MALRD1: variants seen among roughly 807,000 people sequenced by gnomAD.
The protein encoded by MALRD1 is MAM and LDL receptor class A domain containing 1, also known as MAM and LDL-receptor class A domain-containing protein 1.
A neutral mutation model predicts 242.1 loss-of-function variants in MALRD1; 247 were observed. The ratio of observed to expected loss-of-function variants is 1.02; its 90% confidence interval spans 0.92 to 1.13. MALRD1 has a LOEUF of 1.13. Among genes scored for constraint, MALRD1 ranks in the 50% most tolerant of loss-of-function variants. MALRD1 has a pLI of 0.00. For synonymous variants in MALRD1, 995 were observed against 866.6 expected, an observed-to-expected ratio of 1.15 and a Z score of -2.60; for missense variants, 2,989 against 2,533.1, an observed-to-expected ratio of 1.18 and a Z score of -3.86.
chr10:19,124,293 A>G (rs557222228), intron 6 of MALRD1, among the ~76,000 whole-genome samples: 13 of 152,256 alleles, frequency 8.5e-5, no homozygotes, highest in East Asian at 7.7e-4. Context: ...TTCTATGGCA[A>G]TGGGTCACAT....
chr10:19,297,578 A>G (rs1841766370), intron 21 of MALRD1, among the ~76,000 whole-genome samples: 1 of 151,938 alleles, frequency 6.6e-6, no homozygotes, highest in East Asian at 1.9e-4. Flanking sequence ...ACCCTGCCTC[A>G]TAAATGTATA....
chr10:19,072,552 T>G (rs1295157672), intron 2 of MALRD1, among the ~76,000 whole-genome samples: 2 of 152,174 alleles, frequency 1.3e-5, no homozygotes, highest in African/African-American at 4.8e-5. Context: ...TGCCCCCGTG[T>G]CTGTTCAATA....
At chr10:19,731,113 T>C (rs1454458352) in intron 39 of MALRD1, among the ~76,000 whole-genome samples, 1 of 152,224 alleles carries the variant, frequency 6.6e-6, no homozygotes, top group Non-Finnish European at 1.5e-5. Context: ...CTGCTTACAG[T>C]AACTATTCAT....
chr10:19,563,821 G>A (rs1456606980), intron 32 of MALRD1, among the ~76,000 whole-genome samples: 1 of 152,178 alleles, frequency 6.6e-6, no homozygotes, highest in Non-Finnish European at 1.5e-5. Context: ...AAATCATATT[G>A]AGGTGTAATT....
chr10:19,536,797 C>G (rs1408979613), intron 32 of MALRD1, among the ~76,000 whole-genome samples: 1 of 152,034 alleles, frequency 6.6e-6, no homozygotes, highest in African/African-American at 2.4e-5. Context: ...TAACAGAAAA[C>G]AGGTAAACAA....
intron 18 of MALRD1, among the ~76,000 whole-genome samples, chr10:19,211,223 G>T (rs12250334): frequency 6.6e-6 from 1 of 151,838 alleles, no homozygotes; most frequent in Non-Finnish European, 1.5e-5. Context: ...GAACACTTTC[G>T]TCATGAACCT....
chr10:19,734,432 T>C lies in MALRD1; in HGVS notation c.*195T>C, dbSNP rs150734804. On this transcript the variant is annotated 3_prime_UTR_variant, in exon 40 of 40. Coordinates refer to ENST00000454679, the MANE Select transcript of MALRD1 (RefSeq NM_001142308.3). ...ATATGGAATCAGAATCAGTACCTTA[T>C]CTTCACTGAACATCTGAATATTTTA... 2,405 of 401,164 alleles carry C rather than the reference T, an allele frequency of 6.0e-3. 43 individuals carry two copies. The highest frequency in any genetic ancestry group is 0.029 in the African/African-American group (1,430 of 48,626). The allele number at this position is 401,164 out of a possible 1,614,324, so 24.9% of individuals were successfully genotyped here. A position where few individuals can be genotyped will look rare whatever the true frequency, so the allele number is the denominator to read the frequency against.
chr10:19,622,869 T>G (rs537535695), intron 36 of MALRD1, among the ~76,000 whole-genome samples: 1 of 152,006 alleles, frequency 6.6e-6, no homozygotes, highest in Admixed American at 6.6e-5. Flanking sequence ...ATATGAAAAT[T>G]TAGTAAATGA....
chr10:19,723,619 A>G (rs925104112), intron 38 of MALRD1, among the ~76,000 whole-genome samples: 1 of 152,060 alleles, frequency 6.6e-6, no homozygotes, highest in Non-Finnish European at 1.5e-5. Flanking sequence ...GCATGCACCT[A>G]TAGTCCCAGC....
chr10:19,227,750 A>C (rs375067844), intron 18 of MALRD1, among the ~76,000 whole-genome samples: 1 of 152,182 alleles, frequency 6.6e-6, no homozygotes, highest in Non-Finnish European at 1.5e-5. Context: ...CTAAAAAACT[A>C]AATAACAAAA....
At chr10:19,137,286 G>T (rs1833379557) in intron 10 of MALRD1, among the ~76,000 whole-genome samples, 2 of 151,886 alleles carry the variant, frequency 1.3e-5, no homozygotes, top group Non-Finnish European at 2.9e-5. Context: ...TGGAGGAAGG[G>T]CCGCTCTCCT....
intron 28 of MALRD1, among the ~76,000 whole-genome samples, chr10:19,399,584 T>G (rs1409983409): frequency 6.6e-6 from 1 of 152,080 alleles, no homozygotes; most frequent in Admixed American, 6.6e-5. Context: ...GATTACAGAG[T>G]TGGAGTAGAG....
chr10:19,053,681 T>G (rs1252832471), intron 1 of MALRD1, among the ~76,000 whole-genome samples: 1 of 152,136 alleles, frequency 6.6e-6, no homozygotes, highest in African/African-American at 2.4e-5. Context: ...TCCATTAATC[T>G]TTTTCTTGGG....
intron 36 of MALRD1, among the ~76,000 whole-genome samples, chr10:19,669,343 C>T (rs538221896): frequency 2.0e-5 from 3 of 152,134 alleles, no homozygotes; most frequent in Non-Finnish European, 4.4e-5. Context: ...AAATTAACCT[C>T]CCATGCATCC....
In MALRD1 at chr10:19,477,454, T is replaced by C. The variant is rs1029879330; in HGVS notation, c.5030-14063T>C. Among the ~76,000 whole-genome samples the C allele has an allele frequency of 3.7e-5, 5 of 135,954 alleles. No individual in the cohort carries two copies. In the East Asian group the frequency reaches 1.1e-3, roughly 29 times the overall value. 89.2% of individuals were successfully genotyped at this position (135,954 alleles called of 152,430 possible). On this transcript the variant is annotated intron_variant, in intron 29 of 39. Transcript: ENST00000454679. ...TGACTATTCTGCTACTCTAGAGTAG[T>C]TGGAAATAAATAAATAAATAAATAA...
chr10:19,053,777 C>T (rs1235096311), intron 1 of MALRD1, among the ~76,000 whole-genome samples: 1 of 144,864 alleles, frequency 6.9e-6, no homozygotes, highest in Admixed American at 7.0e-5. Flanking sequence ...ATTGTCAGAC[C>T]ATTGCCTGAC....
intron 2 of MALRD1, among the ~76,000 whole-genome samples, chr10:19,069,676 CT>C (rs900539468): frequency 4.0e-5 from 6 of 148,664 alleles, no homozygotes; most frequent in Admixed American, 1.3e-4. Context: ...TTTTCATGGT[CT>C]TTTTTTTTCT....
chr10:19,255,944 G>T (rs1171996951), intron 18 of MALRD1, among the ~76,000 whole-genome samples: 1 of 151,884 alleles, frequency 6.6e-6, no homozygotes, highest in Non-Finnish European at 1.5e-5. Context: ...TCTTTAATTT[G>T]TGACTATATA....
intron 1 of MALRD1, chr10:19,051,329 C>T (rs1265589394): frequency 6.6e-6 from 1 of 151,684 alleles, no homozygotes; most frequent in Admixed American, 6.6e-5. Flanking sequence ...ACTTGTGTGA[C>T]ATTTAAAGAA....
Sources: gnomAD v4.1 joint callset for allele counts (sites outside exome capture counted in the v4.1 genomes callset) on GRCh38, gnomAD v4.1.1 for gene constraint, MANE v1.5 for transcripts, NCBI Gene and HGNC (gene_info 2026-07-23, HGNC 2026-07-21) for gene names.